Variants in KITLG observed in about 807,000 individuals in gnomAD.
The protein encoded by KITLG is KIT ligand.
KITLG carries 13 observed loss-of-function variants against 34.1 expected under a neutral mutation model. The ratio of observed to expected loss-of-function variants is 0.38; its 90% CI spans 0.25 to 0.61. The LOEUF (loss-of-function observed/expected upper bound fraction) is 0.61, where lower values mean the gene tolerates loss of function less well. Among genes scored for constraint, KITLG ranks in the 20% least tolerant of loss-of-function variants. The pLI is 0.60. For missense variants in KITLG, 292 were observed against 318.9 expected (o/e 0.92, Z 0.64); for synonymous variants, 110 against 104.0 (o/e 1.06, Z -0.35).
chr12:88,508,890 G>A (rs1378920996), intron 6 of KITLG, among the ~76,000 whole-genome samples: 1 of 152,120 alleles, frequency 6.6e-6, no homozygotes, highest in East Asian at 1.9e-4. Context: ...ACTCGTTTGG[G>A]ATTTAACTAC....
rs542440193 is a variant in KITLG at position 88,495,593 on chromosome 12, C to T, written c.*1626G>A. ...TTGGTACAAAAAAGAGCAAAGGCCA[C>T]TTACTGGAGTTGCATCTGGATTTGC... On this transcript the variant is annotated 3_prime_UTR_variant, in exon 10 of 10. Coordinates refer to ENST00000644744, the MANE Select transcript of KITLG (RefSeq NM_000899.5). The T allele has an allele frequency of 5.9e-5, 9 of 152,632 alleles. No individual in the cohort carries two copies. Among genetic ancestry groups the T allele is most frequent in the African/African-American group, 2.2e-4 (9 of 41,560 alleles). The allele number at this position is 152,632 out of a possible 1,614,324, so 9.5% of individuals were successfully genotyped here. A position where few individuals can be genotyped will look rare whatever the true frequency, so the allele number is the denominator to read the frequency against.
chr12:88,499,961 G>A (rs1471901349), intron 9 of KITLG, among the ~76,000 whole-genome samples: 8 of 152,030 alleles, frequency 5.3e-5, no homozygotes, highest in Non-Finnish European at 1.2e-4. Context: ...TCACACCTCA[G>A]CTTTGATTGT....
rs185202200 is a variant in KITLG, at chr12:88,507,877, A to C, written c.605-740T>G. The stretch of plus-strand genomic sequence containing the variant: ...TTTCTTGATCCTGCCTGGCTCTTCC[A>C]TGAGAAGCAAAATGATTCATGAATT... On this transcript the variant is annotated intron_variant, in intron 6 of 9. Coordinates refer to ENST00000644744, the MANE Select transcript of KITLG (RefSeq NM_000899.5). Among the ~76,000 whole-genome samples the C allele has an allele frequency of 5.5e-4, 83 of 152,266 alleles. No homozygotes were observed. In the East Asian group the frequency reaches 0.013, roughly 23 times the overall value.
chr12:88,546,092 T>G, intron 1 of KITLG: 1 of 611,988 alleles, frequency 1.6e-6, no homozygotes, highest in Non-Finnish European at 3.0e-6. Context: ...TGTTAACTTT[T>G]GTTAAAAACT....
chr12:88,518,039 G>A (rs1211282053), intron 4 of KITLG, among the ~76,000 whole-genome samples: 2 of 152,104 alleles, frequency 1.3e-5, no homozygotes, highest in African/African-American at 2.4e-5. Context: ...GCTAGGTAGG[G>A]TGTTAAAGTA....
At chr12:88,555,961 C>A (rs1485785033) in intron 1 of KITLG, among the ~76,000 whole-genome samples, 1 of 152,034 alleles carries the variant, frequency 6.6e-6, no homozygotes, top group Non-Finnish European at 1.5e-5. Context: ...CCTCAACTGC[C>A]CCCTGCCCCA....
In KITLG at chr12:88,580,399, G is replaced by C; in HGVS notation, c.-121C>G. Reference sequence around the variant, plus strand: ...AGATAGTCCACGCATTGGGTAGCCCGAGCGCAGCGCCCTCTCCACTGTCCC... The same window carrying C: ...AGATAGTCCACGCATTGGGTAGCCCCAGCGCAGCGCCCTCTCCACTGTCCC... On this transcript the variant is annotated 5_prime_UTR_variant, in exon 1 of 10. Transcript: ENST00000644744. 8.6e-7 allele frequency: 1 copy of C among 1,163,352 alleles called. No homozygotes were observed. The highest frequency in any genetic ancestry group is 1.3e-6 in the Non-Finnish European group (1 of 792,858). The allele number at this position is 1,163,352 out of a possible 1,614,324, so 72.1% of individuals were successfully genotyped here.
chr12:88,533,891 C>T (rs1459617630), intron 2 of KITLG, among the ~76,000 whole-genome samples: 2 of 152,114 alleles, frequency 1.3e-5, no homozygotes, highest in African/African-American at 2.4e-5. Flanking sequence ...AAGATAGTAA[C>T]TGATCTCATG....
At chr12:88,553,592 G>A (rs1284991845) in intron 1 of KITLG, among the ~76,000 whole-genome samples, 2 of 152,170 alleles carry the variant, frequency 1.3e-5, no homozygotes, top group South Asian at 2.1e-4. Context: ...GACACATATC[G>A]TCCTGGGTAG....
At chr12:88,537,673 C>T (rs1338362467) in intron 2 of KITLG, among the ~76,000 whole-genome samples, 5 of 151,054 alleles carry the variant, frequency 3.3e-5, no homozygotes, top group Non-Finnish European at 7.4e-5. Flanking sequence ...ATTCTAAAAT[C>T]TGAAAAAAAA....
intron 2 of KITLG, 58 bp downstream of exon 2, chr12:88,545,694 A>G (rs1870695299): frequency 2.1e-6 from 2 of 963,162 alleles, no homozygotes. Context: ...ATCAACAAGC[A>G]CAGGAAAAAG....
intron 3 of KITLG, among the ~76,000 whole-genome samples, chr12:88,527,804 T>C (rs1869933769): frequency 6.6e-6 from 1 of 152,196 alleles, no homozygotes; most frequent in Non-Finnish European, 1.5e-5. Context: ...CGTAGCATTG[T>C]CACTTGAATT....
At chr12:88,554,085 G>A (rs930087571) in intron 1 of KITLG, among the ~76,000 whole-genome samples, 8 of 152,218 alleles carry the variant, frequency 5.3e-5, no homozygotes, top group Admixed American at 1.3e-4. Flanking sequence ...CCAGGAAAAG[G>A]AGCTACAAAC....
chr12:88,510,170 G>A (rs1311576427), intron 6 of KITLG, among the ~76,000 whole-genome samples: 1 of 152,134 alleles, frequency 6.6e-6, no homozygotes, highest in Non-Finnish European at 1.5e-5. Context: ...ACAAAGAATT[G>A]TGCTATAATT....
intron 6 of KITLG, among the ~76,000 whole-genome samples, chr12:88,513,472 ACAAT>A (rs1220248619): frequency 7.2e-5 from 11 of 151,806 alleles, no homozygotes; most frequent in Non-Finnish European, 1.0e-4. Context: ...ACTCTAATTA[ACAAT>A]CAGAGATACA....
chr12:88,534,517 C>G (rs189788105), intron 2 of KITLG, among the ~76,000 whole-genome samples: 3 of 152,098 alleles, frequency 2.0e-5, no homozygotes, highest in African/African-American at 7.2e-5. Flanking sequence ...CAGGCACGCA[C>G]CACTACACCT....
At chr12:88,535,464 G>T (rs990595745) in intron 2 of KITLG, among the ~76,000 whole-genome samples, 1 of 152,136 alleles carries the variant, frequency 6.6e-6, no homozygotes, top group Admixed American at 6.6e-5. Flanking sequence ...AACTCAGAGA[G>T]GTTAACCGGT....
intron 3 of KITLG, among the ~76,000 whole-genome samples, chr12:88,530,241 A>T (rs1043739219): frequency 3.3e-5 from 5 of 152,116 alleles, no homozygotes; most frequent in Non-Finnish European, 5.9e-5. Flanking sequence ...TGTTGTAATT[A>T]TATAGATCCT....
At chr12:88,536,330 A>G (rs960471753) in intron 2 of KITLG, among the ~76,000 whole-genome samples, 3 of 152,182 alleles carry the variant, frequency 2.0e-5, no homozygotes, top group Non-Finnish European at 4.4e-5. Flanking sequence ...AGAAATGCAA[A>G]TCAAAACCAC....
Sources: allele counts gnomAD v4.1 joint callset (sites outside exome capture counted in the v4.1 genomes callset), GRCh38; gene constraint gnomAD v4.1.1; transcripts MANE v1.5; gene names NCBI Gene and HGNC (gene_info 2026-07-23, HGNC 2026-07-21).